Variants in CSMD1 observed in about 807,000 individuals in gnomAD.
The protein encoded by CSMD1 is CUB and sushi domain-containing protein 1.
CSMD1 carries 213 observed loss-of-function variants against 417.5 expected under a neutral mutation model. That is an observed-to-expected ratio of 0.51 (90% confidence interval 0.46 to 0.57). CSMD1 has a LOEUF of 0.57. CSMD1 is among the 20% of genes least tolerant of loss of function. The probability of loss-of-function intolerance (pLI) is 0.00; values close to 1 mark genes in which losing one functional copy is unlikely to be tolerated. For missense variants in CSMD1, 6,923 were observed against 4,529.7 expected, an observed-to-expected ratio of 1.53 and a Z score of -15.17; for synonymous variants, 2,862 against 1,736.8, an observed-to-expected ratio of 1.65 and a Z score of -16.11.
intron 5 of CSMD1, among the ~76,000 whole-genome samples, chr8:3,878,559 A>G (rs757904340): frequency 6.6e-6 from 1 of 152,216 alleles, no homozygotes; most frequent in African/African-American, 2.4e-5. Context: ...GATAGGAAGT[A>G]TAGAAAAAAT....
At chr8:4,339,540 A>C (rs996765503) in intron 3 of CSMD1, among the ~76,000 whole-genome samples, 1 of 152,132 alleles carries the variant, frequency 6.6e-6, no homozygotes, top group African/African-American at 2.4e-5. Flanking sequence ...ACATTTCTAA[A>C]GACTACTGAA....
At chr8:3,932,143 G>A (rs1484201296) in intron 5 of CSMD1, among the ~76,000 whole-genome samples, 1 of 150,184 alleles carries the variant, frequency 6.7e-6, no homozygotes, top group Non-Finnish European at 1.5e-5. Context: ...ATATATTGAG[G>A]ACAGTGCTGG....
intron 10 of CSMD1, among the ~76,000 whole-genome samples, chr8:3,553,952 A>C (rs925665575): frequency 6.6e-6 from 1 of 152,180 alleles, no homozygotes; most frequent in Non-Finnish European, 1.5e-5. Context: ...ACAGAATGTA[A>C]TTTGTACATT....
At chr8:3,866,654 T>C (rs1203247418) in intron 5 of CSMD1, among the ~76,000 whole-genome samples, 2 of 129,144 alleles carry the variant, frequency 1.5e-5, no homozygotes, top group Non-Finnish European at 3.6e-5. Context: ...ATTCAGGAAA[T>C]AATAAGCTTA....
intron 2 of CSMD1, among the ~76,000 whole-genome samples, chr8:4,624,087 T>C (rs1439057700): frequency 2.6e-5 from 4 of 152,176 alleles, no homozygotes; most frequent in Non-Finnish European, 5.9e-5. Context: ...AGAAATCTAT[T>C]ATGTATCCAA....
At chr8:3,294,623 C>G (rs1327858616) in intron 25 of CSMD1, among the ~76,000 whole-genome samples, 1 of 152,172 alleles carries the variant, frequency 6.6e-6, no homozygotes, top group Non-Finnish European at 1.5e-5. Context: ...CTGAGTCATG[C>G]ACGGGATATA....
chr8:4,111,319 G>C (rs1241617248), intron 3 of CSMD1, among the ~76,000 whole-genome samples: 1 of 152,252 alleles, frequency 6.6e-6, no homozygotes, highest in Middle Eastern at 3.4e-3. Flanking sequence ...GCTGAAGAAA[G>C]AATCTGCTGT....
chr8:4,090,358 A>C (rs1800652099), intron 3 of CSMD1, among the ~76,000 whole-genome samples: 1 of 152,208 alleles, frequency 6.6e-6, no homozygotes, highest in South Asian at 2.1e-4. Context: ...CATGCCTTAA[A>C]AATAAATTAC....
At chr8:3,424,600 G>C (rs191307285) in intron 12 of CSMD1, among the ~76,000 whole-genome samples, 2 of 152,188 alleles carry the variant, frequency 1.3e-5, no homozygotes, top group East Asian at 1.9e-4. Flanking sequence ...TGTAACCCTA[G>C]TATCACAATT....
At chr8:4,592,007 A>G (rs1490507699) in intron 2 of CSMD1, among the ~76,000 whole-genome samples, 1 of 152,178 alleles carries the variant, frequency 6.6e-6, no homozygotes, top group Non-Finnish European at 1.5e-5. Context: ...AGGTCATGCA[A>G]TGCGGCCAGG....
intron 1 of CSMD1, among the ~76,000 whole-genome samples, chr8:4,888,073 T>C (rs1159277614): frequency 6.6e-6 from 1 of 152,034 alleles, no homozygotes; most frequent in Non-Finnish European, 1.5e-5. Flanking sequence ...AGATAAACTT[T>C]CAACAATGTA....
rs151273526 is a variant in CSMD1 at position 4,767,299 on chromosome 8, T to G, written c.86-129741A>C. On this transcript the variant is annotated intron_variant, in intron 1 of 69. Transcript: ENST00000635120. ...CAATTAAAACAAGTAGAGTTGACTA[T>G]CATGGTGATAGAAAATAGACATTTA... 2.9e-3 allele frequency among the ~76,000 whole-genome samples: 449 copies of G among 152,314 alleles called. 4 individuals are homozygous for G. Among genetic ancestry groups the G allele is most frequent in the African/African-American group, 0.01 (436 of 41,572 alleles).
chr8:4,777,094 T>G (rs1317512364), intron 1 of CSMD1, among the ~76,000 whole-genome samples: 1 of 152,178 alleles, frequency 6.6e-6, no homozygotes, highest in Non-Finnish European at 1.5e-5. Context: ...GATCAGTCCT[T>G]GGTAATAATG....
intron 3 of CSMD1, among the ~76,000 whole-genome samples, chr8:4,239,628 C>G (rs1407518963): frequency 6.6e-6 from 1 of 152,152 alleles, no homozygotes; most frequent in African/African-American, 2.4e-5. Flanking sequence ...CCTAGAGAAC[C>G]CAAACTGCTG....
chr8:4,884,452 T>G (rs1803598713), intron 1 of CSMD1, among the ~76,000 whole-genome samples: 1 of 152,060 alleles, frequency 6.6e-6, no homozygotes, highest in African/African-American at 2.4e-5. Context: ...ACAAAATTGC[T>G]TTCTACATGC....
At chr8:4,208,475 T>C (rs1800111453) in intron 3 of CSMD1, among the ~76,000 whole-genome samples, 2 of 152,230 alleles carry the variant, frequency 1.3e-5, no homozygotes, top group Admixed American at 1.3e-4. Flanking sequence ...AATTGATGTT[T>C]CTATTCATCT....
intron 30 of CSMD1, among the ~76,000 whole-genome samples, chr8:3,207,814 C>G (rs923232855): frequency 5.3e-5 from 8 of 152,260 alleles, no homozygotes; most frequent in African/African-American, 1.2e-4. Flanking sequence ...TGTTATCACT[C>G]TAAAACACTT....
At chr8:4,702,118 G>A (rs1003372521) in intron 1 of CSMD1, among the ~76,000 whole-genome samples, 2 of 152,154 alleles carry the variant, frequency 1.3e-5, no homozygotes, top group African/African-American at 2.4e-5. Flanking sequence ...GGGATGAGGT[G>A]GGCGAAGGTA....
intron 12 of CSMD1, among the ~76,000 whole-genome samples, chr8:3,430,194 C>G (rs960310455): frequency 6.6e-6 from 1 of 152,118 alleles, no homozygotes; most frequent in African/African-American, 2.4e-5. Context: ...CATCTTCCCT[C>G]TTTGATACAT....
Sources: allele counts gnomAD v4.1 joint callset (sites outside exome capture counted in the v4.1 genomes callset), GRCh38; gene constraint gnomAD v4.1.1; transcripts MANE v1.5; gene names NCBI Gene and HGNC (gene_info 2026-07-23, HGNC 2026-07-21).